SPIRE1: variants seen among roughly 807,000 people sequenced by gnomAD.
SPIRE1 encodes the protein protein spire homolog 1.
Under a neutral mutation model 94.1 loss-of-function variants are expected in SPIRE1, and 40 were observed. The observed-to-expected ratio is 0.43, with a 90% CI of 0.33 to 0.55. The LOEUF is 0.55. Ranked by LOEUF, SPIRE1 falls within the 20% of genes least tolerant of loss-of-function variation. The probability of loss-of-function intolerance (pLI) is 0.06; values close to 1 mark genes in which losing one functional copy is unlikely to be tolerated. For missense variants in SPIRE1, 838 were observed against 975.2 expected (o/e 0.86, Z 1.87); for synonymous variants, 376 against 371.7 (o/e 1.01, Z -0.13).
chr18:12,512,775 CTTTT>C (rs35531986), intron 4 of SPIRE1, among the ~76,000 whole-genome samples: 26 of 140,258 alleles, frequency 1.9e-4, no homozygotes, highest in Admixed American at 2.9e-4. Flanking sequence ...CTTTCTTTTT[CTTTT>C]TTTTTTTTTT....
rs150724262 is a variant in SPIRE1, at chr18:12,558,290, G to A, written c.373-11386C>T. Among the ~76,000 whole-genome samples the A allele has an allele frequency of 2.3e-3, 356 of 152,096 alleles. 3 individuals are homozygous for A. Among genetic ancestry groups the A allele is most frequent in the South Asian group, 0.014 (69 of 4,796 alleles). On this transcript the variant is annotated intron_variant, in intron 2 of 16. Coordinates refer to ENST00000409402, the MANE Select transcript of SPIRE1 (RefSeq NM_001128626.2). ...GGTGAGTGTTACAGTTCTTAAAAGC[G>A]GCATGTCTGGAGTTGTTCGTGCCTC...
chr18:12,478,646 A>T (rs507950), intron 10 of SPIRE1, among the ~76,000 whole-genome samples: 16,863 of 151,540 alleles, frequency 0.11, 1,913 homozygotes, highest in African/African-American at 0.29. Flanking sequence ...TAGCTAGGGT[A>T]GGTGTGTGTG....
chr18:12,633,462 G>C (rs1199807963), intron 2 of SPIRE1, among the ~76,000 whole-genome samples: 2 of 152,020 alleles, frequency 1.3e-5, no homozygotes, highest in Non-Finnish European at 2.9e-5. Context: ...TGTAGTCCCA[G>C]CGACTCGGGA....
intron 4 of SPIRE1, among the ~76,000 whole-genome samples, chr18:12,517,009 A>G (rs1170019438): frequency 6.6e-6 from 1 of 152,260 alleles, no homozygotes; most frequent in Non-Finnish European, 1.5e-5. Context: ...ACAATAGCAC[A>G]AACTGTAGCT....
At chr18:12,619,175 C>T (rs1011968527) in intron 2 of SPIRE1, among the ~76,000 whole-genome samples, 1 of 152,148 alleles carries the variant, frequency 6.6e-6, no homozygotes, top group Non-Finnish European at 1.5e-5. Context: ...GGATTATAGA[C>T]GTGGGCCACC....
At chr18:12,517,969 A>G (rs1361672674) in intron 4 of SPIRE1, among the ~76,000 whole-genome samples, 2 of 152,174 alleles carry the variant, frequency 1.3e-5, no homozygotes, top group Non-Finnish European at 2.9e-5. Context: ...AGACATTTTT[A>G]AATGCATTAT....
At chr18:12,514,684 A>G (rs1391511552) in intron 4 of SPIRE1, among the ~76,000 whole-genome samples, 2 of 152,194 alleles carry the variant, frequency 1.3e-5, no homozygotes, top group East Asian at 3.8e-4. Flanking sequence ...TCTCCTCTAA[A>G]TTCAGAATCC....
At chr18:12,450,692 G>T in intron 16 of SPIRE1, 1 of 645,968 alleles carries the variant, frequency 1.5e-6, no homozygotes. Flanking sequence ...ACCAGCTAAG[G>T]GAGGCAAGAA....
chr18:12,652,450 T>G (rs1387067986), intron 1 of SPIRE1, among the ~76,000 whole-genome samples: 1 of 152,202 alleles, frequency 6.6e-6, no homozygotes, highest in Non-Finnish European at 1.5e-5. Flanking sequence ...AATCATAAAC[T>G]CTCTTGATTC....
intron 6 of SPIRE1, among the ~76,000 whole-genome samples, chr18:12,497,902 C>G (rs2033518063): frequency 6.6e-6 from 1 of 152,192 alleles, no homozygotes; most frequent in Non-Finnish European, 1.5e-5. Context: ...CTATACGTTC[C>G]ATTCCCAAAA....
At chr18:12,647,281 G>C (rs755651396) in intron 1 of SPIRE1, among the ~76,000 whole-genome samples, 3 of 152,060 alleles carry the variant, frequency 2.0e-5, no homozygotes, top group Non-Finnish European at 2.9e-5. Context: ...TCATGAATTA[G>C]CAATTGCACT....
intron 7 of SPIRE1, among the ~76,000 whole-genome samples, chr18:12,494,048 G>C (rs991555553): frequency 1.3e-5 from 2 of 152,056 alleles, no homozygotes; most frequent in African/African-American, 4.8e-5. Flanking sequence ...GGGACAACAA[G>C]TGTATGCCAC....
At chr18:12,499,057 G>A (rs1024429835) in intron 6 of SPIRE1, among the ~76,000 whole-genome samples, 1 of 152,212 alleles carries the variant, frequency 6.6e-6, no homozygotes, top group African/African-American at 2.4e-5. Context: ...GAGCCACTGT[G>A]TCTGGCCTTT....
intron 2 of SPIRE1, among the ~76,000 whole-genome samples, chr18:12,600,241 A>C (rs1171517538): frequency 2.0e-5 from 3 of 152,268 alleles, no homozygotes; most frequent in South Asian, 2.1e-4. Flanking sequence ...CTGAATTAGA[A>C]TCTTAGGAGA....
intron 4 of SPIRE1, among the ~76,000 whole-genome samples, chr18:12,519,339 C>T (rs184066749): frequency 6.6e-6 from 1 of 152,100 alleles, no homozygotes; most frequent in African/African-American, 2.4e-5. Flanking sequence ...CCTATACACA[C>T]ATGTGCACAC....
At position 12,506,584 on chromosome 18, in the gene SPIRE1, C is replaced by T; in HGVS notation, c.865G>A (p.Val289Ile). The T allele has an allele frequency of 6.2e-7, 1 of 1,614,052 alleles. No homozygotes were observed. The highest frequency in any genetic ancestry group is 8.5e-7 in the Non-Finnish European group (1 of 1,179,996). ...DLRNGVKLKKVQERQYNPLPI... is the reference protein window; with the variant it reads ...DLRNGVKLKKIQERQYNPLPI... ...AAAGGGTTGTACTGCCGCTCTTGGA[C>T]CTTCTTAAGTTTTACCCCATTCCTC... The change falls in exon 6 of 17, where the codon GTC becomes ATC. Residue 289 changes from valine (V) to isoleucine (I), a missense_variant. Physicochemically the swap from Val to Ile is conservative, Grantham distance 29. Around this residue, in one of 2 missense-constraint regions of SPIRE1, gnomAD observed 645 missense variants for 804.7 expected, o/e 0.80. Transcript: ENST00000409402.
At chr18:12,475,897 G>A (rs2032551713) in intron 10 of SPIRE1, among the ~76,000 whole-genome samples, 1 of 152,212 alleles carries the variant, frequency 6.6e-6, no homozygotes, top group Admixed American at 6.5e-5. Flanking sequence ...AGCGGGCCTA[G>A]GGCAGGTGCC....
intron 4 of SPIRE1, among the ~76,000 whole-genome samples, chr18:12,528,868 C>T (rs1196068198): frequency 6.6e-6 from 1 of 152,240 alleles, no homozygotes; most frequent in East Asian, 1.9e-4. Flanking sequence ...AGCTAAACCA[C>T]AGATTCTTTA....
intron 2 of SPIRE1, among the ~76,000 whole-genome samples, chr18:12,554,342 GATT>G (rs1054823884): frequency 2.0e-5 from 3 of 149,064 alleles, no homozygotes; most frequent in African/African-American, 7.4e-5. Flanking sequence ...AAAGTCAAAG[GATT>G]ATTAGTGTCT....
Sources: gnomAD v4.1 joint callset for allele counts (sites outside exome capture counted in the v4.1 genomes callset) on GRCh38, gnomAD v4.1.1 for gene constraint, gnomAD v4.1.1 regional missense constraint, MANE v1.5 for transcripts, NCBI Gene and HGNC (gene_info 2026-07-23, HGNC 2026-07-21) for gene names.